The following DLGAP2 variants were observed in gnomAD, a reference collection of about 807,000 sequenced individuals.
The protein encoded by DLGAP2 is disks large-associated protein 2.
A neutral mutation model predicts 100.3 loss-of-function variants in DLGAP2; 26 were observed. The observed-to-expected ratio is 0.26, with a 90% CI of 0.19 to 0.36. The LOEUF is 0.36. Ranked by LOEUF, DLGAP2 falls within the 10% of genes least tolerant of loss-of-function variation. The pLI, the probability that DLGAP2 is intolerant of heterozygous loss-of-function variation, is 1.00. For missense variants in DLGAP2, 1,858 were observed against 1,453.2 expected (o/e 1.28, Z -4.53); for synonymous variants, 886 against 630.1 (o/e 1.41, Z -6.08).
chr8:1,566,479 C>G (rs1341216594), intron 6 of DLGAP2, among the ~76,000 whole-genome samples: 1 of 152,182 alleles, frequency 6.6e-6, no homozygotes, highest in East Asian at 1.9e-4. Flanking sequence ...GAAAATATGA[C>G]TGTTACTGTC....
intron 3 of DLGAP2, among the ~76,000 whole-genome samples, chr8:1,324,198 G>A (rs370641258): frequency 2.6e-5 from 4 of 152,176 alleles, no homozygotes; most frequent in Non-Finnish European, 4.4e-5. Context: ...ACATGATTCA[G>A]TCTTTCCCAA....
rs1001805932 is a variant in DLGAP2, at chr8:1,593,858, C to T, written c.1442+27964C>T. Among the ~76,000 whole-genome samples the T allele has an allele frequency of 6.6e-5, 10 of 152,344 alleles. No individual in the cohort carries two copies. In the South Asian group the frequency reaches 1.7e-3, roughly 25 times the overall value. On this transcript the variant is annotated intron_variant, in intron 6 of 14. Transcript: ENST00000637795. ...AAACAAGAACTCCATCTCTCAGCTT[C>T]CCACTGAAGAGGAAAGAGGTGATCC...
At chr8:1,167,993 C>T (rs188725438) in intron 2 of DLGAP2, among the ~76,000 whole-genome samples, 2 of 151,360 alleles carry the variant, frequency 1.3e-5, no homozygotes, top group Non-Finnish European at 2.9e-5. Context: ...AACTCGTCAT[C>T]TAGCATTAGG....
chr8:1,164,756 A>T (rs530345858), intron 2 of DLGAP2, among the ~76,000 whole-genome samples: 2 of 152,250 alleles, frequency 1.3e-5, no homozygotes, highest in South Asian at 4.2e-4. Flanking sequence ...TCTGAGGTCT[A>T]TGTGAAAAGT....
Position 1,697,204 on chromosome 8 carries a change from C to G in DLGAP2, c.2854C>G (p.Leu952Val). ...SQDLAGYWDM[L>V]QLSIEDVSMK... is the part of the protein sequence containing the mutation. ...GGACCTGGCCGGCTACTGGGACATG[C>G]TGCAGCTCTCCATTGAGGACGTCAG... The change falls in exon 14 of 15, where the codon CTG becomes GTG. Residue 952 changes from leucine to valine, a missense_variant. Transcript: ENST00000637795. 2 of 1,610,618 alleles carry G rather than the reference C, an allele frequency of 1.2e-6. No homozygotes were observed. Among genetic ancestry groups the G allele is most frequent in the South Asian group, 1.1e-5 (1 of 90,944 alleles).
At chr8:1,084,567 C>G (rs1292911732) in intron 2 of DLGAP2, among the ~76,000 whole-genome samples, 1 of 152,208 alleles carries the variant, frequency 6.6e-6, no homozygotes, top group Non-Finnish European at 1.5e-5. Context: ...CCACCCTTCT[C>G]CTCACTGCTT....
At chr8:1,664,851 A>G (rs1326982829) in intron 8 of DLGAP2, among the ~76,000 whole-genome samples, 1 of 152,208 alleles carries the variant, frequency 6.6e-6, no homozygotes, top group Admixed American at 6.5e-5. Flanking sequence ...TTTGAGAACA[A>G]CCTGGCAGGC....
rs192180007 is a variant in DLGAP2, at chr8:1,487,567, A to C, written c.107-13799A>C. Among the ~76,000 whole-genome samples, 40 of 152,322 alleles carry C rather than the reference A, an allele frequency of 2.6e-4. 1 individual carries two copies. The East Asian group carries it at 6.6e-3, about 25-fold the overall frequency. On this transcript the variant is annotated intron_variant, in intron 3 of 14. Coordinates refer to ENST00000637795, the MANE Select transcript of DLGAP2 (RefSeq NM_001346810.2). Reference sequence around the variant, plus strand: ...TACTGAAGTGAAGGATGTGCTTTGTAAGCTGGTTTGCCCTGTGAGGTTGTC... The same window carrying C: ...TACTGAAGTGAAGGATGTGCTTTGTCAGCTGGTTTGCCCTGTGAGGTTGTC...
At chr8:1,200,706 A>T (rs1797852231) in intron 2 of DLGAP2, among the ~76,000 whole-genome samples, 1 of 151,694 alleles carries the variant, frequency 6.6e-6, no homozygotes, top group South Asian at 2.1e-4. Context: ...GTTGGATCTT[A>T]TTTAGAGACA....
At chr8:1,610,918 G>C (rs1484702939) in intron 6 of DLGAP2, among the ~76,000 whole-genome samples, 1 of 95,760 alleles carries the variant, frequency 1.0e-5, no homozygotes, top group Admixed American at 1.0e-4. Flanking sequence ...ACCAAAAAGA[G>C]TCCAGGACAA....
intron 2 of DLGAP2, among the ~76,000 whole-genome samples, chr8:1,212,856 T>C (rs1272121272): frequency 6.7e-6 from 1 of 149,510 alleles, no homozygotes; most frequent in African/African-American, 2.5e-5. Context: ...TGTACTCATC[T>C]TCTCAAAAAC....
At chr8:1,226,491 G>C (rs1325591947) in intron 2 of DLGAP2, among the ~76,000 whole-genome samples, 1 of 152,124 alleles carries the variant, frequency 6.6e-6, no homozygotes, top group Non-Finnish European at 1.5e-5. Flanking sequence ...GGGGGAGGGA[G>C]AGCATCAGGA....
In DLGAP2 at chr8:1,350,738, G is replaced by C. The variant is rs866830027; in HGVS notation, c.106+91855G>C. On this transcript the variant is annotated intron_variant, in intron 3 of 14. Transcript: ENST00000637795. ...CGTGGAAAGGCCGTGCGGGTCCTGA[G>C]TGTGTGTGGAAAGGCCGCGCGGGTC... 6.9e-3 allele frequency among the ~76,000 whole-genome samples: 204 copies of C among 29,560 alleles called. 2 individuals carry two copies. In the East Asian group the frequency reaches 0.12, roughly 18 times the overall value. 19.4% of individuals were successfully genotyped at this position (29,560 alleles called of 152,430 possible).
At chr8:1,595,127 A>G (rs1329304194) in intron 6 of DLGAP2, among the ~76,000 whole-genome samples, 1 of 151,102 alleles carries the variant, frequency 6.6e-6, no homozygotes. Context: ...TGCAGCCTCA[A>G]CCTCCCGGGT....
intron 4 of DLGAP2, among the ~76,000 whole-genome samples, chr8:1,535,323 G>C (rs146029863): frequency 6.6e-6 from 1 of 152,222 alleles, no homozygotes; most frequent in Non-Finnish European, 1.5e-5. Flanking sequence ...CCTGCCCTCA[G>C]TGTCTGGATT....
intron 3 of DLGAP2, among the ~76,000 whole-genome samples, chr8:1,496,327 T>C (rs2130303261): frequency 6.6e-6 from 1 of 151,932 alleles, no homozygotes; most frequent in Admixed American, 6.5e-5. Context: ...GAGGAGTGCA[T>C]GGGGGTCGGA....
At chr8:1,185,929 C>G (rs77499224) in intron 2 of DLGAP2, among the ~76,000 whole-genome samples, 26 of 152,170 alleles carry the variant, frequency 1.7e-4, no homozygotes, top group Non-Finnish European at 3.2e-4. Flanking sequence ...AAGGACTTCT[C>G]GCCTCGGAGT....
intron 1 of DLGAP2, among the ~76,000 whole-genome samples, chr8:784,581 C>G (rs1821787210): frequency 6.6e-6 from 1 of 152,150 alleles, no homozygotes; most frequent in Admixed American, 6.5e-5. Flanking sequence ...AGTTAGATTA[C>G]AGTTGATATG....
At chr8:858,169 T>G (rs1207242419) in intron 1 of DLGAP2, among the ~76,000 whole-genome samples, 1 of 152,240 alleles carries the variant, frequency 6.6e-6, no homozygotes, top group Non-Finnish European at 1.5e-5. Flanking sequence ...CATGAATGTT[T>G]ATAGCAGCTT....
Sources: gnomAD v4.1 joint callset for allele counts (sites outside exome capture counted in the v4.1 genomes callset) on GRCh38, gnomAD v4.1.1 for gene constraint, MANE v1.5 for transcripts, NCBI Gene and HGNC (gene_info 2026-07-23, HGNC 2026-07-21) for gene names.